NLGN1: variants seen among roughly 807,000 people sequenced by gnomAD.
NLGN1 encodes neuroligin-1.
A neutral mutation model predicts 65.5 loss-of-function variants in NLGN1; 12 were observed. That is an observed-to-expected ratio of 0.18 (90% CI 0.12 to 0.30). NLGN1 has a LOEUF of 0.30. NLGN1 is among the 10% of genes least tolerant of loss of function. NLGN1 has a pLI of 1.00. For synonymous variants in NLGN1, 350 were observed against 359.5 expected (o/e 0.97, Z 0.30); for missense variants, 750 against 1,007.1 (o/e 0.74, Z 3.46).
At chr3:173,861,866 C>T (rs1257047757) in intron 4 of NLGN1, among the ~76,000 whole-genome samples, 1 of 151,642 alleles carries the variant, frequency 6.6e-6, no homozygotes, top group Non-Finnish European at 1.5e-5. Context: ...TCAAGTGATT[C>T]TCATGCCTCA....
chr3:173,580,554 T>C (rs1322761021), intron 2 of NLGN1, among the ~76,000 whole-genome samples: 1 of 152,080 alleles, frequency 6.6e-6, no homozygotes, highest in African/African-American at 2.4e-5. Flanking sequence ...AGTCATTTAC[T>C]AATAATTTGT....
chr3:173,588,535 AAAACTAGTG>A (rs2149388681), intron 2 of NLGN1, among the ~76,000 whole-genome samples: 1 of 152,328 alleles, frequency 6.6e-6, no homozygotes, highest in East Asian at 1.9e-4. Context: ...GAAGTCAGGG[AAAACTAGTG>A]AATCATTCCA....
intron 4 of NLGN1, among the ~76,000 whole-genome samples, chr3:174,231,866 T>C (rs1173635156): frequency 3.3e-5 from 5 of 152,218 alleles, no homozygotes; most frequent in African/African-American, 7.2e-5. Context: ...AGGAATTATT[T>C]TGCCTTTCTA....
In NLGN1 at chr3:173,995,645, T is replaced by TG. The variant is rs892256694; in HGVS notation, c.646+187813_646+187814insG. Among the ~76,000 whole-genome samples, 36 of 151,828 alleles carry TG rather than the reference T, an allele frequency of 2.4e-4. No individual in the cohort carries two copies. In the East Asian group the frequency reaches 7.0e-3, roughly 29 times the overall value. ...ATTAGTGTTAGACTTTTTTTGTTTT[T>TG]TTTTTCTTTTTCTTTCATTCTTTTT... is the stretch of plus-strand genomic sequence containing the variant. On this transcript the variant is annotated intron_variant, in intron 4 of 6. Coordinates refer to ENST00000457714, the Ensembl canonical transcript of NLGN1.
chr3:173,501,674 A>G (rs1731143322), intron 2 of NLGN1, among the ~76,000 whole-genome samples: 1 of 149,930 alleles, frequency 6.7e-6, no homozygotes, highest in Non-Finnish European at 1.5e-5. Context: ...AGAATTATAT[A>G]TAAAATAATA....
intron 4 of NLGN1, among the ~76,000 whole-genome samples, chr3:174,029,854 G>C (rs761046413): frequency 4.6e-5 from 7 of 152,160 alleles, no homozygotes; most frequent in African/African-American, 1.2e-4. Flanking sequence ...CTACCAGCAT[G>C]TAAGATGTGA....
At chr3:174,143,921 T>A (rs556458260) in intron 4 of NLGN1, among the ~76,000 whole-genome samples, 1 of 152,236 alleles carries the variant, frequency 6.6e-6, no homozygotes, top group Admixed American at 6.5e-5. Context: ...TGATAGTTTT[T>A]TTATTATTAT....
intron 3 of NLGN1, among the ~76,000 whole-genome samples, chr3:173,646,084 A>G (rs1238353019): frequency 6.6e-6 from 1 of 152,144 alleles, no homozygotes; most frequent in African/African-American, 2.4e-5. Flanking sequence ...GGTCTGTCAG[A>G]AAGTGGTCCA....
chr3:173,668,501 A>G (rs1374257396), intron 3 of NLGN1, among the ~76,000 whole-genome samples: 1 of 152,124 alleles, frequency 6.6e-6, no homozygotes, highest in Non-Finnish European at 1.5e-5. Flanking sequence ...TGGGATAGCT[A>G]TCTGTGTATG....
chr3:173,433,300 T>C, intron 1 of NLGN1, among the ~76,000 whole-genome samples: 1 of 152,150 alleles, frequency 6.6e-6, no homozygotes, highest in East Asian at 1.9e-4. Flanking sequence ...ATGTCTGAAC[T>C]TGCCTCTCTT....
At chr3:173,557,873 C>T (rs1243579679) in intron 2 of NLGN1, among the ~76,000 whole-genome samples, 1 of 152,056 alleles carries the variant, frequency 6.6e-6, no homozygotes. Context: ...AAATTTCTAC[C>T]TGGCATCAGT....
chr3:174,126,873 G>C (rs764605195), intron 4 of NLGN1, among the ~76,000 whole-genome samples: 3 of 152,016 alleles, frequency 2.0e-5, no homozygotes, highest in Non-Finnish European at 4.4e-5. Context: ...GAGATTTCTT[G>C]GCTCCCAAAG....
chr3:173,531,793 C>T (rs1736619156), intron 2 of NLGN1, among the ~76,000 whole-genome samples: 1 of 152,104 alleles, frequency 6.6e-6, no homozygotes, highest in Non-Finnish European at 1.5e-5. Flanking sequence ...TCTTTTAAGC[C>T]TCCAGGGAGG....
chr3:173,853,289 T>C (rs931560870), intron 4 of NLGN1, among the ~76,000 whole-genome samples: 3 of 152,238 alleles, frequency 2.0e-5, no homozygotes, highest in African/African-American at 7.2e-5. Context: ...GCACTTGTGA[T>C]GTTCCCATTG....
intron 2 of NLGN1, among the ~76,000 whole-genome samples, chr3:173,483,941 G>A (rs549376): frequency 0.76 from 115,419 of 152,034 alleles, 45,699 homozygotes; most frequent in East Asian, 0.97. Context: ...TTATAATACA[G>A]TCAGCAGTAC....
At chr3:173,888,220 C>T (rs1042451179) in intron 4 of NLGN1, among the ~76,000 whole-genome samples, 2 of 151,918 alleles carry the variant, frequency 1.3e-5, no homozygotes, top group African/African-American at 4.8e-5. Flanking sequence ...GAGATACAGT[C>T]ATCCCTCAGT....
chr3:174,276,664 T>A (rs959188098), intron 5 of NLGN1, among the ~76,000 whole-genome samples: 1 of 151,908 alleles, frequency 6.6e-6, no homozygotes, highest in Non-Finnish European at 1.5e-5. Flanking sequence ...TGAATCCATG[T>A]ATTTGGAGAA....
chr3:173,522,230 T>C (rs1453759566), intron 2 of NLGN1, among the ~76,000 whole-genome samples: 1 of 152,234 alleles, frequency 6.6e-6, no homozygotes, highest in Non-Finnish European at 1.5e-5. Context: ...TATGAGTTAT[T>C]TCACGTAGGA....
At chr3:174,239,322 G>T (rs1210423155) in intron 4 of NLGN1, among the ~76,000 whole-genome samples, 1 of 152,074 alleles carries the variant, frequency 6.6e-6, no homozygotes, top group African/African-American at 2.4e-5. Flanking sequence ...TCCCACGTCG[G>T]CTTCCCAAAA....
Sources: allele counts gnomAD v4.1 joint callset (sites outside exome capture counted in the v4.1 genomes callset), GRCh38; gene constraint gnomAD v4.1.1; transcripts MANE v1.5; gene names NCBI Gene and HGNC (gene_info 2026-07-23, HGNC 2026-07-21).